The following SLC6A9 variants were observed in gnomAD, a reference collection of about 807,000 sequenced individuals.
SLC6A9 encodes the protein sodium- and chloride-dependent glycine transporter 1.
Under a neutral mutation model 70.9 loss-of-function variants are expected in SLC6A9, and 31 were observed. The ratio of observed to expected loss-of-function variants is 0.44; its 90% CI spans 0.33 to 0.59. SLC6A9 has a LOEUF of 0.59. Ranked by LOEUF, SLC6A9 falls within the 20% of genes least tolerant of loss-of-function variation. The probability of loss-of-function intolerance (pLI) is 0.04; values close to 1 mark genes in which losing one functional copy is unlikely to be tolerated. For synonymous variants in SLC6A9, 310 were observed against 341.3 expected, an observed-to-expected ratio of 0.91 and a Z score of 1.01; for missense variants, 631 against 845.2, an observed-to-expected ratio of 0.75 and a Z score of 3.14.
chr1:44,004,014 T>TG (rs2086221928), intron 5 of SLC6A9, among the ~76,000 whole-genome samples: 1 of 151,952 alleles, frequency 6.6e-6, no homozygotes, highest in African/African-American at 2.4e-5. Context: ...TTTTTTTTTT[T>TG]GACACAGTCT....
intron 2 of SLC6A9, among the ~76,000 whole-genome samples, chr1:44,016,050 G>A (rs1250783435): frequency 1.3e-5 from 2 of 152,226 alleles, no homozygotes; most frequent in African/African-American, 4.8e-5. Flanking sequence ...TGGCAGCAAG[G>A]GACCTGCCAA....
rs200179352 is a variant in SLC6A9, at chr1:44,000,831, A to T, written c.1472T>A (p.Leu491Gln). Residue 491 changes from leucine to glutamine, a missense_variant, in exon 12 of 14, where the codon CTG becomes CAG. Leu to Gln is a moderately radical substitution (Grantham distance 113, BLOSUM62 -2). Coordinates refer to ENST00000372310, the MANE Select transcript of SLC6A9 (RefSeq NM_001024845.3). ...AAAGAAGAGGGGTGGTGGGAATCCC[A>T]GCATCATCTGGATGTCCTGGAAGTA... The part of the protein sequence containing the change: ...RNYFQDIQMM[L>Q]GFPPPLFFQI... The T allele has an allele frequency of 3.3e-5, 53 of 1,612,058 alleles. No individual in the cohort carries two copies. Among genetic ancestry groups the T allele is most frequent in the Non-Finnish European group, 4.5e-5 (53 of 1,179,120 alleles).
Position 44,000,850 on chromosome 1 carries a change from G to T in SLC6A9, c.1453C>A (p.Gln485Lys). Residue 485 changes from glutamine (Q) to lysine (K), a missense_variant, in exon 12 of 14, where the codon CAG becomes AAG. Physicochemically the swap from Gln to Lys is moderately conservative, Grantham distance 53. Coordinates refer to ENST00000372310, the MANE Select transcript of SLC6A9 (RefSeq NM_001024845.3). ...MYIYGHRNYFQDIQMMLGFPP... is the reference protein window; with the variant it reads ...MYIYGHRNYFKDIQMMLGFPP... ...AATCCCAGCATCATCTGGATGTCCT[G>T]GAAGTAGTTCCGGTGCCCTGGAGAG... is the stretch of plus-strand genomic sequence containing the variant. The T allele has an allele frequency of 6.2e-7, 1 of 1,610,482 alleles. No individual in the cohort carries two copies.
At position 44,008,642 on chromosome 1, in the gene SLC6A9, G is replaced by A; in HGVS notation, c.320-19C>T. ...CCCACTCCTGCAGGAGGGGAGGGGT[G>A]GGGGGAGGAGCCTCAGCATCCAGCA... On this transcript the variant is annotated intron_variant, in intron 4 of 13. Transcript: ENST00000372310. 4 of 1,605,120 alleles carry A rather than the reference G, an allele frequency of 2.5e-6. No homozygotes were observed. The highest frequency in any genetic ancestry group is 3.4e-6 in the Non-Finnish European group (4 of 1,172,742).
Position 44,018,536 on chromosome 1 carries a change from G to A in SLC6A9, c.30+5712C>T, listed in dbSNP as rs922369705. On this transcript the variant is annotated intron_variant, in intron 2 of 13. Transcript: ENST00000372310. The surrounding 1 kb of genome is among the most constrained non-coding windows in gnomAD (Gnocchi z 4.2). ...TTGAACCCGGGAGGTGGAGGTTGCA[G>A]TGAGCCGAGATCGCGCCATTGCATT... is the stretch of plus-strand genomic sequence containing the variant. Among the ~76,000 whole-genome samples the A allele has an allele frequency of 6.6e-6, 1 of 151,758 alleles. No individual in the cohort carries two copies. Among genetic ancestry groups the A allele is most frequent in the Non-Finnish European group, 1.5e-5 (1 of 67,984 alleles).
At chr1:44,022,056 G>A (rs1047613525) in intron 2 of SLC6A9, among the ~76,000 whole-genome samples, 1 of 152,270 alleles carries the variant, frequency 6.6e-6, no homozygotes, top group South Asian at 2.1e-4. Flanking sequence ...GCGGGGAGGA[G>A]AGCGAGCCCC....
At chr1:44,030,519 C>T (rs944970625) in intron 1 of SLC6A9, 2 of 151,986 alleles carry the variant, frequency 1.3e-5, no homozygotes, top group African/African-American at 4.8e-5. Flanking sequence ...AGGCCCCTGC[C>T]CTCACCTGCG....
At chr1:44,009,130 G>A (rs11210939) in intron 4 of SLC6A9, among the ~76,000 whole-genome samples, 85,223 of 147,452 alleles carry the variant, frequency 0.58, 29,433 homozygotes, top group Non-Finnish European at 0.77. Context: ...AGGTTCAAGC[G>A]ATTCTCCTGC....
chr1:44,002,539 C>A lies in SLC6A9; in HGVS notation c.831G>T (p.Pro277=). Residue 277 remains proline (P), a synonymous_variant, in exon 7 of 14, where the codon CCG becomes CCT. Coordinates refer to ENST00000372310, the MANE Select transcript of SLC6A9 (RefSeq NM_001024845.3). This position sits in a 1 kb window ranked among gnomAD's most constrained non-coding sequence, Gnocchi z 5.5. ...TGGCCTCCAGGATCTTGTCCCACTG[C>A]GGGGTTAGGTAGTACATGATGCCGT... The part of the protein sequence containing the change: ...AFDGIMYYLT[P]QWDKILEAKV... 6.2e-7 allele frequency: 1 copy of A among 1,614,102 alleles called. No homozygotes were observed. The highest frequency in any genetic ancestry group is 8.5e-7 in the Non-Finnish European group (1 of 1,179,998).
intron 1 of SLC6A9, among the ~76,000 whole-genome samples, chr1:44,029,478 C>A (rs1322399927): frequency 6.6e-6 from 1 of 152,194 alleles, no homozygotes; most frequent in Non-Finnish European, 1.5e-5. Flanking sequence ...GGCACCCGTT[C>A]CATGTTTTTT....
chr1:43,999,145 G>T (rs916939440), intron 12 of SLC6A9, among the ~76,000 whole-genome samples: 4 of 152,108 alleles, frequency 2.6e-5, no homozygotes, highest in Non-Finnish European at 4.4e-5. Context: ...AACAGATCCT[G>T]ACCTACGTGT....
chr1:44,014,421 G>GGAATGGAGGCTTTCCTTCCATGGCA, intron 2 of SLC6A9, among the ~76,000 whole-genome samples: 1 of 151,462 alleles, frequency 6.6e-6, no homozygotes, highest in Non-Finnish European at 1.5e-5. Context: ...CTTCCATGGC[G>GGAATGGAGGCTTTCCTTCCATGGCA]GGGTGGGGTG....
At chr1:44,012,443 G>A (rs2086604026) in intron 2 of SLC6A9, among the ~76,000 whole-genome samples, 1 of 152,238 alleles carries the variant, frequency 6.6e-6, no homozygotes, top group Admixed American at 6.5e-5. Context: ...AGAGGGCAGG[G>A]GTGCAGTGCC....
At chr1:44,010,300 G>C in intron 3 of SLC6A9, 1 of 570,958 alleles carries the variant, frequency 1.8e-6, no homozygotes, top group Non-Finnish European at 3.1e-6. Flanking sequence ...AATTCTGCTT[G>C]GAGTGGAATC....
Position 43,997,827 on chromosome 1 carries a change from T to C in SLC6A9, c.1707+28A>G. ...TCCAGCTGGCCCCTCCCATTTTGCC[T>C]GGCTACCCAGCCTGTCCCTGCCCTC... On this transcript the variant is annotated intron_variant, in intron 13 of 13. Coordinates refer to ENST00000372310, the MANE Select transcript of SLC6A9 (RefSeq NM_001024845.3). This position sits in a 1 kb window ranked among gnomAD's most constrained non-coding sequence, Gnocchi z 4.4. 6.3e-7 allele frequency: 1 copy of C among 1,591,164 alleles called. No individual in the cohort carries two copies. The highest frequency in any genetic ancestry group is 1.1e-5 in the South Asian group (1 of 88,576).
intron 1 of SLC6A9, among the ~76,000 whole-genome samples, chr1:44,026,251 CT>C (rs918057760): frequency 3.6e-4 from 55 of 152,358 alleles, no homozygotes; most frequent in African/African-American, 1.3e-3. Flanking sequence ...TCTCTCACCC[CT>C]GTGCCTCCCT....
intron 5 of SLC6A9, among the ~76,000 whole-genome samples, chr1:44,005,742 G>A (rs970259343): frequency 6.6e-6 from 1 of 152,242 alleles, no homozygotes; most frequent in Non-Finnish European, 1.5e-5. Context: ...CACCTAGTAG[G>A]TGCTCAACAA....
intron 1 of SLC6A9, among the ~76,000 whole-genome samples, chr1:44,024,917 C>T (rs2086953513): frequency 6.6e-6 from 1 of 152,250 alleles, no homozygotes; most frequent in Non-Finnish European, 1.5e-5. Context: ...CACAGCAGTT[C>T]ACCAGGTGAA....
intron 2 of SLC6A9, among the ~76,000 whole-genome samples, chr1:44,019,312 G>A (rs969781362): frequency 1.3e-5 from 2 of 152,232 alleles, no homozygotes; most frequent in African/African-American, 4.8e-5. Context: ...GTCCCATGAG[G>A]TAGGTCCATT....
Sources: allele counts gnomAD v4.1 joint callset (sites outside exome capture counted in the v4.1 genomes callset), GRCh38; gene constraint gnomAD v4.1.1; non-coding constraint Gnocchi (gnomAD v3.1); transcripts MANE v1.5; gene names NCBI Gene and HGNC (gene_info 2026-07-23, HGNC 2026-07-21).